Variants in AKNAD1 observed in about 807,000 individuals in gnomAD.
AKNAD1 encodes AKNA domain containing 1, also known as protein AKNAD1.
In AKNAD1, 67 loss-of-function variants were observed where a neutral mutation model predicts 90.8. That is an observed-to-expected ratio of 0.74 (90% CI 0.61 to 0.90). AKNAD1 has a LOEUF of 0.90. Ranked by LOEUF, AKNAD1 falls within the 40% of genes least tolerant of loss-of-function variation. AKNAD1 has a pLI of 0.00. For synonymous variants in AKNAD1, 327 were observed against 341.4 expected (o/e 0.96, Z 0.46); for missense variants, 957 against 975.4 (o/e 0.98, Z 0.25).
chr1:108,833,201 A>C (rs1036023924), intron 9 of AKNAD1, among the ~76,000 whole-genome samples: 13 of 152,226 alleles, frequency 8.5e-5, no homozygotes. Context: ...CATTAAATGA[A>C]AAGCATAAAA....
intron 1 of AKNAD1, among the ~76,000 whole-genome samples, chr1:108,854,981 A>T (rs1255383997): frequency 6.6e-6 from 1 of 152,220 alleles, no homozygotes; most frequent in African/African-American, 2.4e-5. Context: ...CAGAGTAAGA[A>T]TTCCATACAT....
chr1:108,823,011 T>C (rs997530103), intron 13 of AKNAD1: 1 of 602,050 alleles, frequency 1.7e-6, no homozygotes, highest in East Asian at 2.8e-5. Context: ...TTAGTAGGGA[T>C]ATATGTAAAG....
intron 10 of AKNAD1, among the ~76,000 whole-genome samples, chr1:108,827,706 C>T (rs527864260): frequency 1.3e-5 from 2 of 148,310 alleles, no homozygotes; most frequent in South Asian, 2.2e-4. Flanking sequence ...CCCAGCTACT[C>T]GGGAGGCTGA....
Position 108,852,568 on chromosome 1 carries a change from T to C in AKNAD1, c.97A>G (p.Ser33Gly), listed in dbSNP as rs1400497889. The C allele has an allele frequency of 6.2e-7, 1 of 1,613,954 alleles. No individual in the cohort carries two copies. The highest frequency in any genetic ancestry group is 1.7e-5 in the Admixed American group (1 of 59,918). ...AGGCCATCCTTTTTTGAGGTAAAAC[T>C]GTAATCATTGCCTATCTTAATCTGA... is the stretch of plus-strand genomic sequence containing the variant. ...LSQIKIGNDY[S>G]FTSKKDGLEV... The change falls in exon 2 of 16, where the codon AGT becomes GGT. Residue 33 changes from serine to glycine, a missense_variant. Coordinates refer to ENST00000370001, the MANE Select transcript of AKNAD1 (RefSeq NM_152763.5).
intron 14 of AKNAD1, among the ~76,000 whole-genome samples, chr1:108,818,980 A>AAAAC (rs1413258748): frequency 1.3e-5 from 2 of 151,574 alleles, no homozygotes; most frequent in East Asian, 2.0e-4. Context: ...AAAAAAAAAA[A>AAAAC]ACCAAGAAGT....
At chr1:108,852,868 T>G in intron 1 of AKNAD1, 101 bp from the exon 2 acceptor site, 1 of 430,604 alleles carries the variant, frequency 2.3e-6, no homozygotes, top group Non-Finnish European at 3.9e-6. Flanking sequence ...AAAATTCAGT[T>G]ACAAACAGGA....
intron 7 of AKNAD1, among the ~76,000 whole-genome samples, chr1:108,835,713 C>T (rs572813765): frequency 1.1e-4 from 17 of 152,112 alleles, no homozygotes; most frequent in Admixed American, 5.2e-4. Context: ...CAACCTCTGC[C>T]TCCCGGGTTC....
chr1:108,829,869 C>T (rs902408440), intron 10 of AKNAD1, among the ~76,000 whole-genome samples: 10 of 152,206 alleles, frequency 6.6e-5, no homozygotes, highest in Admixed American at 5.2e-4. Context: ...TAACATCTCT[C>T]GCTACCTGAA....
intron 5 of AKNAD1, among the ~76,000 whole-genome samples, chr1:108,843,471 A>T (rs1314687722): frequency 1.3e-5 from 2 of 152,206 alleles, no homozygotes; most frequent in African/African-American, 4.8e-5. Context: ...ACAAACCCTC[A>T]CAGCACACAG....
At chr1:108,831,163 A>T (rs2101179601) in intron 9 of AKNAD1, among the ~76,000 whole-genome samples, 1 of 152,336 alleles carries the variant, frequency 6.6e-6, no homozygotes, top group Non-Finnish European at 1.5e-5. Context: ...CTGGGGGCCT[A>T]AATGATTGGT....
rs376375046 is a variant in AKNAD1, at chr1:108,854,994, T to C, written c.-104+1935A>G. 4.1e-4 allele frequency among the ~76,000 whole-genome samples: 63 copies of C among 152,290 alleles called. No homozygotes were observed. The East Asian group carries it at 0.01, about 25-fold the overall frequency. ...CACAGAGTAAGAATTCCATACATTGTTGTTGAAAAATGAAAAAACAAAACC... is the reference window on the plus strand; with the variant it reads ...CACAGAGTAAGAATTCCATACATTGCTGTTGAAAAATGAAAAAACAAAACC... On this transcript the variant is annotated intron_variant, in intron 1 of 15. Transcript: ENST00000370001.
intron 1 of AKNAD1, among the ~76,000 whole-genome samples, chr1:108,855,878 C>CTT (rs540099927): frequency 3.4e-4 from 43 of 127,102 alleles, no homozygotes; most frequent in African/African-American, 1.0e-3. Flanking sequence ...AACAGAGTAT[C>CTT]TTTTTTTTTT....
intron 13 of AKNAD1, among the ~76,000 whole-genome samples, chr1:108,821,937 T>C (rs1267301058): frequency 6.6e-6 from 1 of 152,078 alleles, no homozygotes; most frequent in African/African-American, 2.4e-5. Flanking sequence ...TCACTCACAC[T>C]CAGGAGGCTC....
intron 3 of AKNAD1, among the ~76,000 whole-genome samples, 165 bp downstream of exon 3, chr1:108,849,372 G>C (rs185969219): frequency 4.6e-5 from 7 of 151,970 alleles, no homozygotes; most frequent in Non-Finnish European, 7.4e-5. Flanking sequence ...CCAGCTACTC[G>C]GGAGGATGAG....
At chr1:108,849,667 A>G in intron 2 of AKNAD1, 91 bp from the exon 3 acceptor site, 1 of 927,592 alleles carries the variant, frequency 1.1e-6, no homozygotes. Context: ...GTCATCATAG[A>G]GGGAGCCCAG....
chr1:108,821,176 C>T lies in AKNAD1; in HGVS notation c.2168-550G>A, dbSNP rs767804854. Among the ~76,000 whole-genome samples, 6 of 152,064 alleles carry T rather than the reference C, an allele frequency of 3.9e-5. No homozygotes were observed. The East Asian group carries it at 7.7e-4, about 20-fold the overall frequency. On this transcript the variant is annotated intron_variant, in intron 13 of 15. Coordinates refer to ENST00000370001, the MANE Select transcript of AKNAD1 (RefSeq NM_152763.5). The stretch of plus-strand genomic sequence containing the variant: ...ATTTTAAAGGGAGTTTTAGGCCAGG[C>T]GTGGTGGCTCATGTTTTTAATCCCA...
At chr1:108,845,576 C>A (rs34745004) in intron 5 of AKNAD1, among the ~76,000 whole-genome samples, 40,099 of 152,110 alleles carry the variant, frequency 0.26, 6,214 homozygotes, top group African/African-American at 0.43. Flanking sequence ...CTGTTGTAAA[C>A]TAATGCCTTT....
intron 1 of AKNAD1, among the ~76,000 whole-genome samples, chr1:108,854,262 C>T (rs1664967865): frequency 6.6e-6 from 1 of 152,214 alleles, no homozygotes. Flanking sequence ...GATGATTCCT[C>T]AGAAGTAGTA....
In AKNAD1 at chr1:108,823,280, A is replaced by G. The variant is rs1337532320; in HGVS notation, c.2167+90T>C. ...AAATGGAGAGGCCAGGGCTTCCCAG[A>G]TGGAAGCAGTGGCCAGTGTCATGTG... is the stretch of plus-strand genomic sequence containing the variant. On this transcript the variant is annotated intron_variant, in intron 13 of 15. Coordinates refer to ENST00000370001, the MANE Select transcript of AKNAD1 (RefSeq NM_152763.5). The G allele has an allele frequency of 3.8e-6, 4 of 1,050,610 alleles. 1 individual carries two copies. The South Asian group carries it at 5.1e-5, about 13-fold the overall frequency. The allele number at this position is 1,050,610 out of a possible 1,614,324, so 65.1% of individuals were successfully genotyped here. A position where few individuals can be genotyped will look rare whatever the true frequency, so the allele number is the denominator to read the frequency against.
Sources: gnomAD v4.1 joint callset for allele counts (sites outside exome capture counted in the v4.1 genomes callset) on GRCh38, gnomAD v4.1.1 for gene constraint, MANE v1.5 for transcripts, NCBI Gene and HGNC (gene_info 2026-07-23, HGNC 2026-07-21) for gene names.